Variants in BTNL8 observed in about 807,000 individuals in gnomAD.
The protein encoded by BTNL8 is butyrophilin-like protein 8.
Under a neutral mutation model 36.1 loss-of-function variants are expected in BTNL8, and 22 were observed. The ratio of observed to expected loss-of-function variants is 0.61; its 90% confidence interval spans 0.44 to 0.87. The LOEUF (loss-of-function observed/expected upper bound fraction) is 0.87. Among genes scored for constraint, BTNL8 ranks in the 40% least tolerant of loss-of-function variants. The pLI is 0.00. For synonymous variants in BTNL8, 203 were observed against 235.6 expected, an observed-to-expected ratio of 0.86 and a Z score of 1.27; for missense variants, 526 against 616.9, an observed-to-expected ratio of 0.85 and a Z score of 1.56.
chr5:180,905,832 C>T (rs527923157), intron 1 of BTNL8, among the ~76,000 whole-genome samples: 1,666 of 150,658 alleles, frequency 0.011, 11 homozygotes, highest in Non-Finnish European at 0.017. Flanking sequence ...TGTAGTTGAG[C>T]GGCTTTGAGA....
chr5:180,933,863 T>C (rs991659116), intron 3 of BTNL8, among the ~76,000 whole-genome samples: 1 of 151,926 alleles, frequency 6.6e-6, no homozygotes, highest in Non-Finnish European at 1.5e-5. Flanking sequence ...TACCAAACAT[T>C]TAAAGAAAAA....
At chr5:180,900,814 T>C (rs1455170471) in intron 1 of BTNL8, among the ~76,000 whole-genome samples, 1 of 152,202 alleles carries the variant, frequency 6.6e-6, no homozygotes, top group Non-Finnish European at 1.5e-5. Context: ...ACTGGGACCT[T>C]TGGAGGAACT....
At chr5:180,941,110 G>GAGGAAGGAAGGAAGGA (rs1177352611) in intron 3 of BTNL8, among the ~76,000 whole-genome samples, 2,382 of 126,604 alleles carry the variant, frequency 0.019, 45 homozygotes, top group East Asian at 0.046. Flanking sequence ...GGAAGGAAGG[G>GAGGAAGGAAGGAAGGA]AGGAAGGAAG....
intron 3 of BTNL8, among the ~76,000 whole-genome samples, chr5:180,942,020 C>T (rs1426799014): frequency 1.3e-5 from 2 of 151,750 alleles, no homozygotes; most frequent in African/African-American, 4.8e-5. Flanking sequence ...TGTTTGCAGA[C>T]AACATGATCT....
At chr5:180,941,243 A>C (rs894702918) in intron 3 of BTNL8, among the ~76,000 whole-genome samples, 4 of 152,228 alleles carry the variant, frequency 2.6e-5, no homozygotes, top group Non-Finnish European at 4.4e-5. Flanking sequence ...ACTAAAATAG[A>C]GTCAGGAAAA....
At chr5:180,941,643 A>G (rs749086570) in intron 3 of BTNL8, among the ~76,000 whole-genome samples, 6 of 152,210 alleles carry the variant, frequency 3.9e-5, no homozygotes, top group Non-Finnish European at 5.9e-5. Flanking sequence ...ATGGTTCAAC[A>G]TATGGAAATC....
intron 1 of BTNL8, among the ~76,000 whole-genome samples, chr5:180,907,810 T>G (rs1190716682): frequency 2.0e-4 from 30 of 150,964 alleles, no homozygotes; most frequent in Non-Finnish European, 3.1e-4. Flanking sequence ...TGCTGGGGGG[T>G]GCCTCCCAGT....
intron 1 of BTNL8, among the ~76,000 whole-genome samples, chr5:180,900,144 C>A (rs1402196266): frequency 6.6e-6 from 1 of 152,202 alleles, no homozygotes; most frequent in African/African-American, 2.4e-5. Context: ...GTGTTACTAA[C>A]AGGAGACGCT....
chr5:180,950,368 T>C lies in BTNL8; in HGVS notation c.1327T>C (p.Tyr443His). Residue 443 changes from tyrosine (Y) to histidine (H), a missense_variant, in exon 8 of 8, where the codon TAC becomes CAC. By Grantham distance (83) the Tyr-to-His change is moderately conservative. This residue lies in a region of BTNL8 where 176 missense variants were observed against 292.3 expected (regional missense o/e 0.60). Transcript: ENST00000340184. Reference protein sequence around the residue: ...TCRFEGLLRPYIEYPSYNEQN... With the variant: ...TCRFEGLLRPHIEYPSYNEQN... ...TCGGTTTGAAGGCTTATTGAGGCCCTACATTGAGTATCCGTCCTATAATGA... is the reference window on the plus strand; with the variant it reads ...TCGGTTTGAAGGCTTATTGAGGCCCCACATTGAGTATCCGTCCTATAATGA... The C allele has an allele frequency of 1.4e-6, 2 of 1,463,316 alleles. 1 individual carries two copies. The highest frequency in any genetic ancestry group is 1.9e-6 in the Non-Finnish European group (2 of 1,058,984). 90.6% of individuals were successfully genotyped at this position (1,463,316 alleles called of 1,614,324 possible). A position where few individuals can be genotyped will look rare whatever the true frequency, so the allele number is the denominator to read the frequency against.
chr5:180,947,827 C>T (rs1190834066), intron 4 of BTNL8: 1 of 1,531,540 alleles, frequency 6.5e-7, no homozygotes. Context: ...CCCCTTGCTA[C>T]TTCATTTAGG....
chr5:180,929,470 G>C (rs1173752741), intron 3 of BTNL8, among the ~76,000 whole-genome samples: 2 of 152,068 alleles, frequency 1.3e-5, no homozygotes, highest in African/African-American at 4.8e-5. Context: ...GATAAGAGCA[G>C]AACTGAAGGA....
Position 180,899,352 on chromosome 5 carries a change from G to A in BTNL8, c.42G>A (p.Leu14=). The A allele has an allele frequency of 6.2e-7, 1 of 1,613,968 alleles. No homozygotes were observed. The highest frequency in any genetic ancestry group is 8.5e-7 in the Non-Finnish European group (1 of 1,179,816). ...GTTTGGTTCTGAGTCTCCTCAAGCT[G>A]GGATCAGGTAAGACTCATCTTTGTT... The part of the protein sequence containing the change: ...MLSLVLSLLK[L]GSGQWQVFGP... Residue 14 remains leucine, a synonymous_variant, in exon 1 of 8, where the codon CTG becomes CTA. Coordinates refer to ENST00000340184, the MANE Select transcript of BTNL8 (RefSeq NM_001040462.3).
At chr5:180,945,330 A>G (rs1759182755) in intron 3 of BTNL8, among the ~76,000 whole-genome samples, 1 of 152,236 alleles carries the variant, frequency 6.6e-6, no homozygotes, top group African/African-American at 2.4e-5. Context: ...TTAAAAAGTT[A>G]AACATAAGAC....
chr5:180,901,490 A>C (rs1286340155), intron 1 of BTNL8, among the ~76,000 whole-genome samples: 1 of 152,208 alleles, frequency 6.6e-6, no homozygotes, highest in Non-Finnish European at 1.5e-5. Flanking sequence ...ATGATTGTTA[A>C]ACAGATGAGC....
chr5:180,934,670 G>T (rs1298598292), intron 3 of BTNL8, among the ~76,000 whole-genome samples: 3 of 152,222 alleles, frequency 2.0e-5, no homozygotes, highest in Non-Finnish European at 4.4e-5. Context: ...AGGCACCTGT[G>T]TCTGGACGAG....
chr5:180,922,142 C>G (rs1019854056), intron 3 of BTNL8, among the ~76,000 whole-genome samples: 1 of 151,614 alleles, frequency 6.6e-6, no homozygotes, highest in African/African-American at 2.4e-5. Flanking sequence ...TTTCAAAATC[C>G]AACTCTGGAT....
At chr5:180,907,357 T>C (rs1757127546) in intron 1 of BTNL8, among the ~76,000 whole-genome samples, 1 of 124,732 alleles carries the variant, frequency 8.0e-6, no homozygotes, top group Non-Finnish European at 1.6e-5. Flanking sequence ...TTCTTGAGCC[T>C]TGGTTTTCAG....
At chr5:180,931,974 T>C (rs1192707868) in intron 3 of BTNL8, among the ~76,000 whole-genome samples, 1 of 152,150 alleles carries the variant, frequency 6.6e-6, no homozygotes, top group African/African-American at 2.4e-5. Context: ...ACTCAAAGGA[T>C]TATAAATCAT....
At chr5:180,920,205 C>A (rs1469197887) in intron 3 of BTNL8, among the ~76,000 whole-genome samples, 3 of 151,912 alleles carry the variant, frequency 2.0e-5, no homozygotes, top group Admixed American at 6.6e-5. Context: ...TTGCACCAAC[C>A]TAATAGTAAT....
Sources: allele counts gnomAD v4.1 joint callset (sites outside exome capture counted in the v4.1 genomes callset), GRCh38; gene constraint gnomAD v4.1.1; regional missense constraint gnomAD v4.1.1; transcripts MANE v1.5; gene names NCBI Gene and HGNC (gene_info 2026-07-23, HGNC 2026-07-21).